The following KLF12 variants were observed in gnomAD, a reference collection of about 807,000 sequenced individuals.
KLF12 encodes KLF transcription factor 12, also known as Krueppel-like factor 12.
A neutral mutation model predicts 37.8 loss-of-function variants in KLF12; 9 were observed. The ratio of observed to expected loss-of-function variants is 0.24; its 90% CI spans 0.14 to 0.42. KLF12 has a LOEUF of 0.42. KLF12 is among the 10% of genes least tolerant of loss of function. KLF12 has a pLI of 1.00. For synonymous variants in KLF12, 208 were observed against 202.1 expected (o/e 1.03, Z -0.25); for missense variants, 411 against 516.0 (o/e 0.80, Z 1.97).
chr13:73,924,770 T>C (rs983260996), intron 3 of KLF12, among the ~76,000 whole-genome samples: 1 of 152,168 alleles, frequency 6.6e-6, no homozygotes, highest in South Asian at 2.1e-4. Context: ...TTAAACCAAA[T>C]AGCCACACTG....
At chr13:74,160,226 G>A in the KLF12 span, among the ~76,000 whole-genome samples, 2 of 152,120 alleles carry the variant, frequency 1.3e-5, no homozygotes, top group South Asian at 2.1e-4. Context: ...GTGTACGACT[G>A]TGGTGTAATG....
In KLF12 at chr13:73,691,164, C is replaced by A. The variant is rs1257240132; in HGVS notation, c.*4326G>T. 2.0e-5 allele frequency: 3 copies of A among 152,658 alleles called. No homozygotes were observed. Among genetic ancestry groups the A allele is most frequent in the Non-Finnish European group, 4.4e-5 (3 of 68,032 alleles). The allele number at this position is 152,658 out of a possible 1,614,324, so 9.5% of individuals were successfully genotyped here. A position where few individuals can be genotyped will look rare whatever the true frequency, so the allele number is the denominator to read the frequency against. On this transcript the variant is annotated 3_prime_UTR_variant, in exon 8 of 8. Transcript: ENST00000377669. ...TTCTTTGCTGATATTTGTTAGCCCACTGGCTGCTGCATATACAGTTGTGTA... is the reference window on the plus strand; with the variant it reads ...TTCTTTGCTGATATTTGTTAGCCCAATGGCTGCTGCATATACAGTTGTGTA...
intron 5 of KLF12, among the ~76,000 whole-genome samples, chr13:73,784,321 C>A (rs538353399): frequency 1.3e-5 from 2 of 152,220 alleles, no homozygotes; most frequent in East Asian, 3.9e-4. Flanking sequence ...AAAATTAACC[C>A]TTAACTCCTT....
intron 3 of KLF12, among the ~76,000 whole-genome samples, chr13:73,914,087 A>T (rs1167429871): frequency 6.6e-6 from 1 of 151,374 alleles, no homozygotes; most frequent in African/African-American, 2.5e-5. Context: ...AACATCAATA[A>T]ATGTTCCCTG....
At chr13:73,830,707 G>A (rs927679618) in intron 4 of KLF12, among the ~76,000 whole-genome samples, 6 of 152,026 alleles carry the variant, frequency 3.9e-5, no homozygotes, top group Non-Finnish European at 7.4e-5. Flanking sequence ...CTACCACAAC[G>A]AGGCAAGATA....
the KLF12 span, among the ~76,000 whole-genome samples, chr13:74,275,809 T>TTCTTTCTTTC: frequency 6.3e-5 from 5 of 79,640 alleles, no homozygotes; most frequent in Non-Finnish European, 1.0e-4. Flanking sequence ...TTTCTTTCCT[T>TTCTTTCTTTC]CTTTCTTTCT....
the KLF12 span, among the ~76,000 whole-genome samples, chr13:74,299,212 A>T: frequency 1.3e-5 from 2 of 152,168 alleles, no homozygotes; most frequent in Non-Finnish European, 2.9e-5. Flanking sequence ...AAGAGCGGGG[A>T]GAAGTGGAGG....
upstream of KLF12, among the ~76,000 whole-genome samples, chr13:74,136,582 T>C (rs1202758314): frequency 3.3e-5 from 5 of 152,318 alleles, no homozygotes; most frequent in African/African-American, 9.6e-5. Flanking sequence ...GAGTGGCGGA[T>C]AGACCATAAA....
At chr13:74,267,540 TGGA>T in the KLF12 span, among the ~76,000 whole-genome samples, 1 of 152,110 alleles carries the variant, frequency 6.6e-6, no homozygotes, top group Admixed American at 6.6e-5. Flanking sequence ...GTTGATCTCA[TGGA>T]GGTAGAGAGT....
chr13:74,044,235 C>T (rs1893481091), intron 1 of KLF12, among the ~76,000 whole-genome samples: 1 of 152,184 alleles, frequency 6.6e-6, no homozygotes, highest in South Asian at 2.1e-4. Context: ...CCTTCACTAG[C>T]ACTGTCATTT....
intron 3 of KLF12, among the ~76,000 whole-genome samples, chr13:73,847,952 G>A (rs1418256018): frequency 2.0e-5 from 3 of 152,050 alleles, no homozygotes; most frequent in Non-Finnish European, 4.4e-5. Flanking sequence ...AATGCAAAAT[G>A]TTTCTTATTA....
the KLF12 span, among the ~76,000 whole-genome samples, chr13:74,215,287 CTAT>C: frequency 6.6e-6 from 1 of 151,844 alleles, no homozygotes; most frequent in South Asian, 2.1e-4. Context: ...TCCTACACTT[CTAT>C]TAACTTTTTA....
chr13:73,789,638 G>C (rs939522910), intron 5 of KLF12, among the ~76,000 whole-genome samples: 1 of 151,186 alleles, frequency 6.6e-6, no homozygotes, highest in Admixed American at 6.6e-5. Flanking sequence ...TTAGGGCTAG[G>C]TTTGGACTCT....
At chr13:74,044,860 C>CA (rs34045412) in intron 1 of KLF12, among the ~76,000 whole-genome samples, 2,581 of 96,682 alleles carry the variant, frequency 0.027, 61 homozygotes, top group African/African-American at 0.08. Flanking sequence ...CAGAAAGTCT[C>CA]AAAAAAAAAA....
At position 74,012,836 on chromosome 13, in the gene KLF12, C is replaced by T. The variant is rs118124592; in HGVS notation, c.-31-17783G>A. Among the ~76,000 whole-genome samples, 149 of 152,304 alleles carry T rather than the reference C, an allele frequency of 9.8e-4. 1 individual carries two copies. The East Asian group carries it at 0.024, about 25-fold the overall frequency. ...AACAATCACATATTATATCTAACCACTCATCATTTTTTTCATGGAGTTATA... is the reference window on the plus strand; with the variant it reads ...AACAATCACATATTATATCTAACCATTCATCATTTTTTTCATGGAGTTATA... On this transcript the variant is annotated intron_variant, in intron 1 of 7. Coordinates refer to ENST00000377669, the MANE Select transcript of KLF12 (RefSeq NM_007249.5).
At chr13:73,745,386 A>C (rs375125091) in intron 6 of KLF12, among the ~76,000 whole-genome samples, 21 of 152,310 alleles carry the variant, frequency 1.4e-4, no homozygotes, top group African/African-American at 4.8e-4. Flanking sequence ...TTCCTCCTCC[A>C]GTGTATTAAA....
At chr13:74,120,074 T>C (rs148992786) in intron 1 of KLF12, among the ~76,000 whole-genome samples, 2 of 152,124 alleles carry the variant, frequency 1.3e-5, no homozygotes, top group East Asian at 3.9e-4. Flanking sequence ...GGTGGAAAAC[T>C]GTCAACCCAG....
At chr13:73,792,288 A>G (rs1881730951) in intron 5 of KLF12, among the ~76,000 whole-genome samples, 1 of 152,212 alleles carries the variant, frequency 6.6e-6, no homozygotes, top group Non-Finnish European at 1.5e-5. Context: ...AAAGGTCAAT[A>G]TTGATCTCTA....
At chr13:74,071,728 C>T (rs375390443) in intron 1 of KLF12, among the ~76,000 whole-genome samples, 55 of 152,028 alleles carry the variant, frequency 3.6e-4, no homozygotes, top group South Asian at 1.2e-3. Context: ...AATGGCAAAC[C>T]GAAATGGATT....
Sources: gnomAD v4.1 joint callset for allele counts (sites outside exome capture counted in the v4.1 genomes callset) on GRCh38, gnomAD v4.1.1 for gene constraint, MANE v1.5 for transcripts, NCBI Gene and HGNC (gene_info 2026-07-23, HGNC 2026-07-21) for gene names.